TET2: variants seen among roughly 807,000 people sequenced by gnomAD.
TET2 encodes the protein tet methylcytosine dioxygenase 2.
Under a neutral mutation model 142.9 loss-of-function variants are expected in TET2, and 299 were observed. That is an observed-to-expected ratio of 2.09 (90% confidence interval 1.90 to 2.30). TET2 has a LOEUF of 2.30. Among genes scored for constraint, TET2 ranks in the 30% most tolerant of loss-of-function variants. The pLI is 0.00. For missense variants in TET2, 2,418 were observed against 2,378.0 expected (o/e 1.02, Z -0.35); for synonymous variants, 819 against 849.0 (o/e 0.96, Z 0.61).
In TET2 at chr4:105,190,492, G is replaced by T. The variant is rs1275247715; in HGVS notation, c.-60G>T. The T allele has an allele frequency of 1.4e-6, 1 of 701,938 alleles. No homozygotes were observed. Among genetic ancestry groups the T allele is most frequent in the Non-Finnish European group, 2.6e-6 (1 of 384,736 alleles). 43.5% of individuals were successfully genotyped at this position (701,938 alleles called of 1,614,324 possible). On this transcript the variant is annotated 5_prime_UTR_variant, in exon 2 of 11. Coordinates refer to ENST00000380013, the MANE Select transcript of TET2 (RefSeq NM_001127208.3). ...GACATGATCCAGGAAGAGCAGTAAG[G>T]GACTGAGCTGCTGGTAAGACAGTGG... is the stretch of plus-strand genomic sequence containing the variant.
At chr4:105,204,553 G>A (rs956624836) in intron 2 of TET2, among the ~76,000 whole-genome samples, 6 of 152,096 alleles carry the variant, frequency 3.9e-5, no homozygotes, top group Admixed American at 2.0e-4. Context: ...GACATTAAGA[G>A]TTACGTTTCT....
At position 105,275,961 on chromosome 4, in the gene TET2, C is replaced by T; in HGVS notation, c.5451C>T (p.His1817=). The T allele has an allele frequency of 6.4e-7, 1 of 1,551,794 alleles. No homozygotes were observed. Reference sequence around the variant, plus strand: ...CTGCTTGTGTCCAAGGAGGCTTACACAAATTAAGTGATGCTAATGGTCAGG... The same window carrying T: ...CTGCTTGTGTCCAAGGAGGCTTACATAAATTAAGTGATGCTAATGGTCAGG... ...DRTACVQGGL[H]KLSDANGQEK... is the part of the protein sequence containing the mutation. The change falls in exon 11 of 11, where the codon CAC becomes CAT. Residue 1817 remains histidine, a synonymous_variant. Coordinates refer to ENST00000380013, the MANE Select transcript of TET2 (RefSeq NM_001127208.3).
rs117234765 is a variant in TET2 at position 105,244,900 on chromosome 4, C to T, written c.3803+1122C>T. On this transcript the variant is annotated intron_variant, in intron 6 of 10. Coordinates refer to ENST00000380013, the MANE Select transcript of TET2 (RefSeq NM_001127208.3). ...CCGCCGCGCCTGGCCAGAAATCTTA[C>T]AAGTTATTTTGCCCACGATTGGTTT... 8.5e-5 allele frequency among the ~76,000 whole-genome samples: 13 copies of T among 152,278 alleles called. No individual in the cohort carries two copies. In the East Asian group the frequency reaches 2.1e-3, roughly 25 times the overall value.
intron 4 of TET2, chr4:105,241,921 A>G (rs1729323963): frequency 8.1e-7 from 1 of 1,236,744 alleles, no homozygotes; most frequent in African/African-American, 1.6e-5. Flanking sequence ...AAAGAGAAAC[A>G]TACTATTTAC....
intron 2 of TET2, 21 bp downstream of exon 2, chr4:105,190,526 G>T: frequency 1.4e-6 from 1 of 697,486 alleles, no homozygotes; most frequent in South Asian, 1.5e-5. Context: ...GGAGACAGTT[G>T]ACACTTGTTT....
At position 105,276,717 on chromosome 4, in the gene TET2, G is replaced by A. The variant is rs1731240538; in HGVS notation, c.*198G>A. 3 of 568,708 alleles carry A rather than the reference G, an allele frequency of 5.3e-6. No individual in the cohort carries two copies. In the South Asian group the frequency reaches 9.2e-5, roughly 18 times the overall value. 35.2% of individuals were successfully genotyped at this position (568,708 alleles called of 1,614,324 possible). The stretch of plus-strand genomic sequence containing the variant: ...TTTCACTGGCTCCCAAGTGGTCACA[G>A]ATGGCATCTAGGAAAAGACCAAAGC... On this transcript the variant is annotated 3_prime_UTR_variant, in exon 11 of 11. Transcript: ENST00000380013.
chr4:105,234,633 TC>T lies in TET2; in HGVS notation c.692del (p.Ser231PhefsTer19). The T allele has an allele frequency of 6.2e-7, 1 of 1,614,120 alleles. No homozygotes were observed. Among genetic ancestry groups the T allele is most frequent in the Non-Finnish European group, 8.5e-7 (1 of 1,180,016 alleles). On this transcript the variant is annotated frameshift_variant, in exon 3 of 11. Transcript: ENST00000380013. LOFTEE classifies it high-confidence loss of function. ...THGELLEKTL[S>X]QYYPDCVSIA... ...TGGTGAACTCCTGGAAAAAACACTG[TC>T]TCAATATTATCCAGATTGTGTTTCC...
At chr4:105,208,720 A>G (rs1421613259) in intron 2 of TET2, among the ~76,000 whole-genome samples, 1 of 152,042 alleles carries the variant, frequency 6.6e-6, no homozygotes, top group Non-Finnish European at 1.5e-5. Context: ...CAGTGTTTCC[A>G]ATTAATCTCA....
chr4:105,273,781 T>C (rs1030860148), intron 10 of TET2, among the ~76,000 whole-genome samples: 1 of 152,198 alleles, frequency 6.6e-6, no homozygotes, highest in Non-Finnish European at 1.5e-5. Context: ...GGGTTCTACA[T>C]GTAGATTATG....
intron 6 of TET2, among the ~76,000 whole-genome samples, chr4:105,256,945 T>C (rs1433326643): frequency 2.0e-5 from 3 of 152,208 alleles, no homozygotes; most frequent in Non-Finnish European, 2.9e-5. Context: ...ATCTCATGTA[T>C]TTAATAAAAT....
rs779965990 is a variant in TET2 at position 105,236,041 on chromosome 4, A to T, written c.2099A>T (p.Lys700Ile). 6.2e-7 allele frequency: 1 copy of T among 1,614,178 alleles called. No individual in the cohort carries two copies. Among genetic ancestry groups the T allele is most frequent in the Admixed American group, 1.7e-5 (1 of 60,010 alleles). ...QTEKLMSPVL[K>I]QHLNQQASET... is the part of the protein sequence containing the mutation. ...GAAAAACTTATGTCCCCAGTGTTGA[A>T]ACAGCACTTGAATCAACAGGCTTCA... is the stretch of plus-strand genomic sequence containing the variant. Residue 700 changes from lysine (K) to isoleucine (I), a missense_variant, in exon 3 of 11, where the codon AAA becomes ATA. Lys to Ile is a moderately radical substitution (Grantham distance 102, BLOSUM62 -3). Coordinates refer to ENST00000380013, the MANE Select transcript of TET2 (RefSeq NM_001127208.3).
At chr4:105,214,368 G>A (rs535806399) in intron 2 of TET2, among the ~76,000 whole-genome samples, 11 of 141,540 alleles carry the variant, frequency 7.8e-5, no homozygotes, top group African/African-American at 2.9e-4. Flanking sequence ...GTGCAGTGGT[G>A]TGATCATAGC....
At chr4:105,198,163 C>T (rs1267071996) in intron 2 of TET2, among the ~76,000 whole-genome samples, 1 of 151,944 alleles carries the variant, frequency 6.6e-6, no homozygotes, top group Non-Finnish European at 1.5e-5. Flanking sequence ...ATGGTGAAAC[C>T]CCATCTCTAC....
chr4:105,262,039 T>A (rs1730461648), intron 8 of TET2, among the ~76,000 whole-genome samples, 191 bp downstream of exon 8: 1 of 152,164 alleles, frequency 6.6e-6, no homozygotes. Context: ...TTTTTTTGTC[T>A]TTTAGCTGTA....
At chr4:105,180,100 C>T (rs553580370) in intron 1 of TET2, among the ~76,000 whole-genome samples, 2 of 152,294 alleles carry the variant, frequency 1.3e-5, no homozygotes, top group Admixed American at 6.5e-5. Flanking sequence ...GACACTTTCA[C>T]ATCTTCAAGT....
At position 105,277,278 on chromosome 4, in the gene TET2, G is replaced by T. The variant is rs1423359467; in HGVS notation, c.*759G>T. ...ACACAAGCTTAGTTTTTAAAATGTG[G>T]ACATTTTAAAGGCCTCTGGATTTTG... On this transcript the variant is annotated 3_prime_UTR_variant, in exon 11 of 11. Transcript: ENST00000380013. The T allele has an allele frequency of 1.3e-5, 3 of 226,488 alleles. No individual in the cohort carries two copies. In the East Asian group the frequency reaches 1.9e-4, roughly 14 times the overall value. 14.0% of individuals were successfully genotyped at this position (226,488 alleles called of 1,614,324 possible).
intron 2 of TET2, 36 bp downstream of exon 2, chr4:105,190,541 A>G: frequency 1.4e-6 from 1 of 696,304 alleles, no homozygotes; most frequent in South Asian, 1.5e-5. Flanking sequence ...TTGTTTGTCA[A>G]GTATGAATTT....
At chr4:105,186,567 CT>C (rs1178475004) in intron 1 of TET2, among the ~76,000 whole-genome samples, 1 of 151,188 alleles carries the variant, frequency 6.6e-6, no homozygotes, top group Non-Finnish European at 1.5e-5. Flanking sequence ...CCTCCGCCTC[CT>C]GGAGGCGATT....
intron 6 of TET2, among the ~76,000 whole-genome samples, chr4:105,258,114 A>C (rs1730232658): frequency 6.6e-6 from 1 of 152,160 alleles, no homozygotes. Context: ...AATACCACAG[A>C]GCTCACTCTT....
Sources: gnomAD v4.1 joint callset for allele counts (sites outside exome capture counted in the v4.1 genomes callset) on GRCh38, gnomAD v4.1.1 for gene constraint, MANE v1.5 for transcripts, NCBI Gene and HGNC (gene_info 2026-07-23, HGNC 2026-07-21) for gene names.